AP1S3: variants seen among roughly 807,000 people sequenced by gnomAD.
AP1S3 encodes the protein adaptor related protein complex 1 subunit sigma 3.
AP1S3 carries 10 observed loss-of-function variants against 20.9 expected under a neutral mutation model. The observed-to-expected ratio is 0.48, with a 90% CI of 0.29 to 0.81. AP1S3 has a LOEUF of 0.81. Ranked by LOEUF, AP1S3 falls within the 30% of genes least tolerant of loss-of-function variation. AP1S3 has a pLI of 0.08. For synonymous variants in AP1S3, 41 were observed against 61.5 expected, an observed-to-expected ratio of 0.67 and a Z score of 1.56; for missense variants, 154 against 183.8, an observed-to-expected ratio of 0.84 and a Z score of 0.94.
intron 1 of AP1S3, among the ~76,000 whole-genome samples, chr2:223,783,747 C>A (rs1193277993): frequency 6.6e-6 from 1 of 152,172 alleles, no homozygotes; most frequent in Non-Finnish European, 1.5e-5. Flanking sequence ...CATCCAGGAC[C>A]CTTACCTGTC....
chr2:223,791,650 CTT>C (rs570961045), intron 1 of AP1S3, among the ~76,000 whole-genome samples: 102 of 152,276 alleles, frequency 6.7e-4, no homozygotes, highest in African/African-American at 2.4e-3. Flanking sequence ...TTTCACTACT[CTT>C]ATTCCACATA....
chr2:223,831,533 C>T (rs115235818), intron 1 of AP1S3, among the ~76,000 whole-genome samples: 53 of 152,274 alleles, frequency 3.5e-4, no homozygotes, highest in African/African-American at 1.3e-3. Flanking sequence ...TACATTCTTT[C>T]ATGTCATAGA....
In AP1S3 at chr2:223,756,240, G is replaced by A. The variant is rs1488997378; in HGVS notation, c.*2475C>T. Among the ~76,000 whole-genome samples, 2 of 152,126 alleles carry A rather than the reference G, an allele frequency of 1.3e-5. No homozygotes were observed. Among genetic ancestry groups the A allele is most frequent in the Non-Finnish European group, 2.9e-5 (2 of 68,038 alleles). Reference sequence around the variant, plus strand: ...TAATCCCAGCTACTCGGGAGGCTGAGGCAGGAGAATCGTTTGAACCCAGGA... The same window carrying A: ...TAATCCCAGCTACTCGGGAGGCTGAAGCAGGAGAATCGTTTGAACCCAGGA... On this transcript the variant is annotated 3_prime_UTR_variant, in exon 5 of 5. Coordinates refer to ENST00000396654, the MANE Select transcript of AP1S3 (RefSeq NM_001039569.2).
intron 1 of AP1S3, among the ~76,000 whole-genome samples, chr2:223,808,165 A>G (rs1483865308): frequency 2.6e-5 from 4 of 152,196 alleles, no homozygotes; most frequent in African/African-American, 9.6e-5. Flanking sequence ...CAGAGCTGGT[A>G]TAAGTTCTTC....
At position 223,757,973 on chromosome 2, in the gene AP1S3, T is replaced by C; in HGVS notation, c.*742A>G. 1.0e-6 allele frequency: 1 copy of C among 963,168 alleles called. No individual in the cohort carries two copies. Among genetic ancestry groups the C allele is most frequent in the Non-Finnish European group, 1.2e-6 (1 of 809,610 alleles). The allele number at this position is 963,168 out of a possible 1,614,324, so 59.7% of individuals were successfully genotyped here. On this transcript the variant is annotated 3_prime_UTR_variant, in exon 5 of 5. Coordinates refer to ENST00000396654, the MANE Select transcript of AP1S3 (RefSeq NM_001039569.2). ...AAGGAAGTCATAGATGCTGTATCTC[T>C]AGGTCTCTATAAACCTTAATAAATA...
rs1291500370 is a variant in AP1S3 at position 223,777,886 on chromosome 2, A to C, written c.4-17T>G. On this transcript the variant is annotated splice_polypyrimidine_tract_variant and intron_variant, in intron 1 of 4. Coordinates refer to ENST00000396654, the MANE Select transcript of AP1S3 (RefSeq NM_001039569.2). ...GAAATGTATCTAGAACAAAGGACAC[A>C]AAAAACAGAACCTGATCAACCAAGT... 1.1e-5 allele frequency: 17 copies of C among 1,602,160 alleles called. No homozygotes were observed. The highest frequency in any genetic ancestry group is 1.4e-5 in the Non-Finnish European group (17 of 1,174,522).
chr2:223,814,473 A>T (rs1691800277), intron 1 of AP1S3, among the ~76,000 whole-genome samples: 1 of 152,174 alleles, frequency 6.6e-6, no homozygotes, highest in South Asian at 2.1e-4. Context: ...GCATCACCTA[A>T]TTCTGAAATC....
intron 1 of AP1S3, among the ~76,000 whole-genome samples, chr2:223,828,058 T>TAAAAAAAAAAAAAAAAAA (rs527671959): frequency 5.3e-5 from 5 of 94,694 alleles, no homozygotes; most frequent in African/African-American, 1.2e-4. Context: ...AGACTTCATC[T>TAAAAAAAAAAAAAAAAAA]AAAAAAAAAA....
In AP1S3 at chr2:223,758,366, G is replaced by T; in HGVS notation, c.*349C>A. 1 of 1,020,850 alleles carries T rather than the reference G, an allele frequency of 9.8e-7. No homozygotes were observed. Among genetic ancestry groups the T allele is most frequent in the Non-Finnish European group, 1.2e-6 (1 of 852,824 alleles). The allele number at this position is 1,020,850 out of a possible 1,614,324, so 63.2% of individuals were successfully genotyped here. A position where few individuals can be genotyped will look rare whatever the true frequency, so the allele number is the denominator to read the frequency against. On this transcript the variant is annotated 3_prime_UTR_variant, in exon 5 of 5. Transcript: ENST00000396654. ...CAAAATCATGGATTATTACAATATT[G>T]TGTCAAATGCAAAAAAAATTGCAGC...
chr2:223,832,522 C>G (rs1692296318), intron 1 of AP1S3, among the ~76,000 whole-genome samples: 1 of 151,982 alleles, frequency 6.6e-6, no homozygotes, highest in Non-Finnish European at 1.5e-5. Context: ...TCCCCTGATC[C>G]CAAAGCCCTC....
intron 2 of AP1S3, 52 bp downstream of exon 2, chr2:223,777,639 G>A (rs1405389108): frequency 6.5e-7 from 1 of 1,541,514 alleles, no homozygotes; most frequent in East Asian, 2.3e-5. Flanking sequence ...TTCAGGATTA[G>A]AACAAACCAA....
chr2:223,830,590 C>G (rs569321133), intron 1 of AP1S3, among the ~76,000 whole-genome samples: 20 of 152,136 alleles, frequency 1.3e-4, no homozygotes, highest in Admixed American at 4.6e-4. Flanking sequence ...TATGGGCACC[C>G]CAGTTTGCAA....
chr2:223,837,317 G>A (rs1692427041), intron 1 of AP1S3, 131 bp downstream of exon 1: 2 of 396,840 alleles, frequency 5.0e-6, no homozygotes, highest in African/African-American at 4.2e-5. Context: ...GGGACGCACG[G>A]TTCGGGTGGC....
rs148038350 is a variant in AP1S3 at position 223,832,672 on chromosome 2, G to A, written c.3+4776C>T. ...TACATGCTTATTACAATTCATTCAA[G>A]CTTCAGAACATAAAATTGATACAGA... is the stretch of plus-strand genomic sequence containing the variant. On this transcript the variant is annotated intron_variant, in intron 1 of 4. Coordinates refer to ENST00000396654, the MANE Select transcript of AP1S3 (RefSeq NM_001039569.2). Among the ~76,000 whole-genome samples the A allele has an allele frequency of 3.0e-4, 46 of 152,266 alleles. No individual in the cohort carries two copies. The East Asian group carries it at 7.9e-3, about 26-fold the overall frequency.
At chr2:223,794,326 C>T (rs911284695) in intron 1 of AP1S3, among the ~76,000 whole-genome samples, 10 of 151,874 alleles carry the variant, frequency 6.6e-5, no homozygotes, top group African/African-American at 2.2e-4. Flanking sequence ...GCACTCCAGT[C>T]TGGGCGACAC....
chr2:223,809,885 C>A (rs28599833), intron 1 of AP1S3, among the ~76,000 whole-genome samples: 48,782 of 151,262 alleles, frequency 0.32, 8,301 homozygotes, highest in Middle Eastern at 0.42. Context: ...CACGCCACCA[C>A]GCCCAGCTAA....
At chr2:223,782,206 T>C (rs1690967367) in intron 1 of AP1S3, among the ~76,000 whole-genome samples, 1 of 151,936 alleles carries the variant, frequency 6.6e-6, no homozygotes, top group Non-Finnish European at 1.5e-5. Context: ...AGAGATGGGG[T>C]TTCACCATGT....
chr2:223,799,208 G>GACACACACAC lies in AP1S3; in HGVS notation c.4-21349_4-21340dup, dbSNP rs10527751. Among the ~76,000 whole-genome samples the GACACACACAC allele has an allele frequency of 4.3e-3, 632 of 145,974 alleles. 3 individuals carry two copies. The highest frequency in any genetic ancestry group is 0.016 in the South Asian group (69 of 4,382). On this transcript the variant is annotated intron_variant, in intron 1 of 4. Transcript: ENST00000396654. ...CATATAAAAGGGAAATTCGGGCCTA[G>GACACACACAC]ACACACACACACACACACACACACA...
chr2:223,807,953 G>A (rs1256504523), intron 1 of AP1S3, among the ~76,000 whole-genome samples: 3 of 139,746 alleles, frequency 2.1e-5, no homozygotes, highest in Non-Finnish European at 4.5e-5. Flanking sequence ...GCAGTGGTGC[G>A]ATCTTGGCTC....
Sources: gnomAD v4.1 joint callset for allele counts (sites outside exome capture counted in the v4.1 genomes callset) on GRCh38, gnomAD v4.1.1 for gene constraint, MANE v1.5 for transcripts, NCBI Gene and HGNC (gene_info 2026-07-23, HGNC 2026-07-21) for gene names.